ATP2C2: variants seen among roughly 807,000 people sequenced by gnomAD.
ATP2C2 encodes the protein calcium-transporting ATPase type 2C member 2.
Under a neutral mutation model 110.8 loss-of-function variants are expected in ATP2C2, and 171 were observed. The ratio of observed to expected loss-of-function variants is 1.54; its 90% CI spans 1.36 to 1.75. The LOEUF is 1.75. ATP2C2 is among the 40% of genes most tolerant of loss of function. The pLI, the probability that ATP2C2 is intolerant of heterozygous loss-of-function variation, is 0.00. For synonymous variants in ATP2C2, 804 were observed against 508.4 expected, an observed-to-expected ratio of 1.58 and a Z score of -7.82; for missense variants, 1,963 against 1,235.0, an observed-to-expected ratio of 1.59 and a Z score of -8.84.
intron 15 of ATP2C2, among the ~76,000 whole-genome samples, 171 bp downstream of exon 15, chr16:84,442,770 C>T (rs897444902): frequency 6.9e-6 from 1 of 144,218 alleles, no homozygotes; most frequent in Non-Finnish European, 1.6e-5. Context: ...GAGGTGAGCT[C>T]TGAGATTCCA....
chr16:84,410,806 G>A, intron 6 of ATP2C2, 41 bp downstream of exon 6: 5 of 1,576,112 alleles, frequency 3.2e-6, no homozygotes, highest in Non-Finnish European at 4.4e-6. Flanking sequence ...TTCACTGGAG[G>A]AGCCAGGGAG....
intron 1 of ATP2C2, among the ~76,000 whole-genome samples, chr16:84,378,746 C>T (rs145185849): frequency 2.1e-3 from 316 of 152,302 alleles, no homozygotes; most frequent in African/African-American, 7.4e-3. Flanking sequence ...AAAACGGCCC[C>T]CTCCTTGAAA....
chr16:84,463,575 C>G, intron 26 of ATP2C2, 39 bp from the exon 27 acceptor site: 1 of 1,559,906 alleles, frequency 6.4e-7, no homozygotes, highest in African/African-American at 1.4e-5. Flanking sequence ...AACAGAGCTG[C>G]AGCCCGTCCT....
intron 11 of ATP2C2, among the ~76,000 whole-genome samples, chr16:84,428,513 C>T (rs1039081125): frequency 2.6e-5 from 4 of 151,990 alleles, no homozygotes; most frequent in African/African-American, 9.7e-5. Context: ...ATTTAACAAA[C>T]AAAATCTTAG....
At chr16:84,420,082 G>T (rs1293168637) in intron 7 of ATP2C2, among the ~76,000 whole-genome samples, 5 of 152,156 alleles carry the variant, frequency 3.3e-5, no homozygotes, top group Non-Finnish European at 7.3e-5. Flanking sequence ...CAGCACATGT[G>T]ACTTAACCTA....
At chr16:84,413,099 A>C (rs1162710032) in intron 6 of ATP2C2, among the ~76,000 whole-genome samples, 1 of 40,874 alleles carries the variant, frequency 2.4e-5, no homozygotes, top group Non-Finnish European at 6.9e-5. Flanking sequence ...ACTCTGTCTC[A>C]AAAAAAAAAA....
intron 2 of ATP2C2, among the ~76,000 whole-genome samples, chr16:84,398,874 C>G (rs1252028206): frequency 6.6e-6 from 1 of 152,310 alleles, no homozygotes; most frequent in East Asian, 1.9e-4. Context: ...TTCAGCCTCA[C>G]ATTTCTTGGC....
At chr16:84,402,642 C>A (rs866353487) in intron 2 of ATP2C2, among the ~76,000 whole-genome samples, 1 of 152,076 alleles carries the variant, frequency 6.6e-6, no homozygotes, top group African/African-American at 2.4e-5. Context: ...GGGATAAATT[C>A]CTTTTGGTCA....
At chr16:84,462,203 C>G in intron 26 of ATP2C2, 74 bp downstream of exon 26, 2 of 1,560,038 alleles carry the variant, frequency 1.3e-6, no homozygotes, top group Non-Finnish European at 8.7e-7. Context: ...AGGTGGGGAG[C>G]TGCAGCCCAG....
rs34793112 is a variant in ATP2C2, at chr16:84,395,462, C to CTT, written c.100-3024_100-3023dup. ...AGGCAGGGGAATTGGTGCCTTTGAT[C>CTT]TTTTTTTTTTTTTTGAGACAGAGTC... is the stretch of plus-strand genomic sequence containing the variant. On this transcript the variant is annotated intron_variant, in intron 1 of 26. Coordinates refer to ENST00000262429, the MANE Select transcript of ATP2C2 (RefSeq NM_014861.4). Among the ~76,000 whole-genome samples the CTT allele has an allele frequency of 2.8e-3, 397 of 142,786 alleles. 4 individuals are homozygous for CTT. The highest frequency in any genetic ancestry group is 9.0e-3 in the African/African-American group (351 of 38,792). 93.7% of individuals were successfully genotyped at this position (142,786 alleles called of 152,430 possible).
chr16:84,415,685 A>G, intron 7 of ATP2C2, 94 bp downstream of exon 7: 1 of 994,026 alleles, frequency 1.0e-6, no homozygotes, highest in African/African-American at 1.6e-5. Flanking sequence ...AGTCTCTCTC[A>G]TACACACATG....
At chr16:84,386,912 T>G (rs1904344804) in intron 1 of ATP2C2, among the ~76,000 whole-genome samples, 1 of 133,328 alleles carries the variant, frequency 7.5e-6, no homozygotes, top group Admixed American at 7.3e-5. Flanking sequence ...TTTTGTTTGT[T>G]TGTTTGTTTG....
intron 11 of ATP2C2, among the ~76,000 whole-genome samples, chr16:84,432,358 G>C (rs1053997755): frequency 6.6e-6 from 1 of 152,080 alleles, no homozygotes; most frequent in African/African-American, 2.4e-5. Flanking sequence ...ATGGTGGTTT[G>C]CTGCACCTAC....
At chr16:84,379,383 C>G (rs957434771) in intron 1 of ATP2C2, among the ~76,000 whole-genome samples, 1 of 152,170 alleles carries the variant, frequency 6.6e-6, no homozygotes, top group East Asian at 1.9e-4. Context: ...CTAGGCTGGT[C>G]TTGAACTCCT....
rs1567740342 is a variant in ATP2C2, at chr16:84,453,203, G to GAGA, written c.1900_1902dup (p.Lys634dup). 2 of 1,613,838 alleles carry GAGA rather than the reference G, an allele frequency of 1.2e-6. No homozygotes were observed. The highest frequency in any genetic ancestry group is 1.7e-5 in the Admixed American group (1 of 60,000). ...GTCCGGGGAGGAGGTGGACAGCGTGGAGAAGGGCGAGCTGGCCGACCGCGT... is the reference window on the plus strand; with the variant it reads ...GTCCGGGGAGGAGGTGGACAGCGTGGAGAAGAAGGGCGAGCTGGCCGACCGCGT... On this transcript the variant is annotated inframe_insertion, in exon 19 of 27. Transcript: ENST00000262429.
rs761822961 is a variant in ATP2C2, at chr16:84,422,484, C to G, written c.719C>G (p.Thr240Ser). 1.9e-6 allele frequency: 3 copies of G among 1,614,108 alleles called. No homozygotes were observed. Among genetic ancestry groups the G allele is most frequent in the Non-Finnish European group, 1.7e-6 (2 of 1,180,024 alleles). ...CCCTTGACAGGCGGTGGGGACCTCA[C>G]CACCCTCAGCAACATCGTCTTCATG... is the stretch of plus-strand genomic sequence containing the variant. ...DSPLTGGGDL[T>S]TLSNIVFMGT... The change falls in exon 8 of 27, where the codon ACC (threonine) becomes AGC (serine). Residue 240 changes from threonine (T) to serine (S), a missense_variant. Thr to Ser is a moderately conservative substitution (Grantham distance 58, BLOSUM62 1). Transcript: ENST00000262429.
At chr16:84,461,898 G>A (rs1438914650) in intron 25 of ATP2C2, 86 bp downstream of exon 25, 4 of 1,607,666 alleles carry the variant, frequency 2.5e-6, no homozygotes, top group Non-Finnish European at 3.4e-6. Flanking sequence ...GCATTGAGCG[G>A]CTCTGGCTCA....
intron 11 of ATP2C2, among the ~76,000 whole-genome samples, chr16:84,434,850 C>A (rs1908598985): frequency 6.6e-6 from 1 of 152,168 alleles, no homozygotes; most frequent in Admixed American, 6.5e-5. Flanking sequence ...TGGATTAATT[C>A]TTTATTATTA....
At chr16:84,430,251 A>C (rs555578980) in intron 11 of ATP2C2, among the ~76,000 whole-genome samples, 4 of 152,170 alleles carry the variant, frequency 2.6e-5, no homozygotes, top group Non-Finnish European at 5.9e-5. Flanking sequence ...AAGCTCGTTG[A>C]AGGAGATGAG....
Sources: gnomAD v4.1 joint callset for allele counts (sites outside exome capture counted in the v4.1 genomes callset) on GRCh38, gnomAD v4.1.1 for gene constraint, MANE v1.5 for transcripts, NCBI Gene and HGNC (gene_info 2026-07-23, HGNC 2026-07-21) for gene names.